The following C14orf39 variants were observed in gnomAD, a reference collection of about 807,000 sequenced individuals.
C14orf39 encodes chromosome 14 open reading frame 39.
A neutral mutation model predicts 85.6 loss-of-function variants in C14orf39; 66 were observed. The ratio of observed to expected loss-of-function variants is 0.77; its 90% CI spans 0.63 to 0.95. The LOEUF is 0.95. Ranked by LOEUF, C14orf39 falls within the 40% of genes least tolerant of loss-of-function variation. C14orf39 has a pLI of 0.00. For missense variants in C14orf39, 735 were observed against 663.9 expected (o/e 1.11, Z -1.18); for synonymous variants, 242 against 214.0 (o/e 1.13, Z -1.14).
chr14:60,511,890 T>C (rs2140190437), intron 1 of C14orf39: 1 of 157,954 alleles, frequency 6.3e-6, no homozygotes, highest in South Asian at 1.8e-4. Context: ...CTTGAGCAAA[T>C]GGTCTCCGGA....
At chr14:60,471,830 G>T in intron 5 of C14orf39, 91 bp from the exon 6 acceptor site, 1 of 722,084 alleles carries the variant, frequency 1.4e-6, no homozygotes, top group Non-Finnish European at 2.2e-6. Flanking sequence ...AACATAAAAG[G>T]CAAATCAAAT....
Position 60,484,810 on chromosome 14 carries a change from A to G in C14orf39, c.106+71T>C. ...ACGCCAACAATAAGTTGCCCTAAAC[A>G]GAGCAATTGTATGTTATATGCCATA... On this transcript the variant is annotated intron_variant, in intron 3 of 17. Coordinates refer to ENST00000321731, the MANE Select transcript of C14orf39 (RefSeq NM_174978.3). This position sits in a 1 kb window ranked among gnomAD's most constrained non-coding sequence, Gnocchi z 4.2. 2.7e-6 allele frequency: 3 copies of G among 1,118,302 alleles called. No homozygotes were observed. Among genetic ancestry groups the G allele is most frequent in the Non-Finnish European group, 3.9e-6 (3 of 762,228 alleles). The allele number at this position is 1,118,302 out of a possible 1,614,324, so 69.3% of individuals were successfully genotyped here.
At chr14:60,456,129 C>T (rs1424365491) in intron 15 of C14orf39, among the ~76,000 whole-genome samples, 2 of 151,976 alleles carry the variant, frequency 1.3e-5, no homozygotes, top group Non-Finnish European at 2.9e-5. Flanking sequence ...TGCAAAACAA[C>T]CCTGATGCAG....
In C14orf39 at chr14:60,511,125, T is replaced by G. The variant is rs45549246; in HGVS notation, c.-144+4270A>C. 2.9e-3 allele frequency: 4,697 copies of G among 1,612,752 alleles called. 21 individuals are homozygous for G. The highest frequency in any genetic ancestry group is 0.015 in the Middle Eastern group (93 of 6,060). On this transcript the variant is annotated intron_variant, in intron 1 of 5. Transcript: ENST00000556799. ...CTGTCACAGGGTTCCGGGCGGGCAC[T>G]ACGGGCGGAGGGCGACGGCACGCCA... is the stretch of plus-strand genomic sequence containing the variant.
At position 60,461,400 on chromosome 14, in the gene C14orf39, TG is replaced by T. The variant is rs1891522122; in HGVS notation, c.1070del (p.Pro357HisfsTer26). The T allele has an allele frequency of 2.5e-6, 4 of 1,609,548 alleles. No individual in the cohort carries two copies. Among genetic ancestry groups the T allele is most frequent in the Non-Finnish European group, 2.5e-6 (3 of 1,177,248 alleles). ...ACTGATTGGAATTTGATTGTTTCTG[TG>T]GGGTTAACAATCTAAAATGGAATAA... ...QKFMQVRLLT[P>X]QKQSNSNQWS... On this transcript the variant is annotated frameshift_variant, in exon 13 of 18. Transcript: ENST00000321731. LOFTEE classifies it high-confidence loss of function.
At chr14:60,513,860 A>G (rs547793812) in intron 1 of C14orf39, among the ~76,000 whole-genome samples, 2 of 152,372 alleles carry the variant, frequency 1.3e-5, no homozygotes, top group South Asian at 4.1e-4. Context: ...ACAGTGATGG[A>G]GCATTTTTAA....
chr14:60,482,067 T>C (rs548033658), intron 4 of C14orf39, among the ~76,000 whole-genome samples: 2 of 152,346 alleles, frequency 1.3e-5, no homozygotes, highest in African/African-American at 4.8e-5. Context: ...CACATTTAAA[T>C]CTCATAACCA....
chr14:60,458,854 A>G (rs572090974), intron 13 of C14orf39, 115 bp from the exon 14 acceptor site: 14 of 721,928 alleles, frequency 1.9e-5, no homozygotes, highest in African/African-American at 1.8e-4. Flanking sequence ...CAAAAATGGC[A>G]ACTTCATATG....
chr14:60,502,354 T>C (rs1893159417), intron 1 of C14orf39, among the ~76,000 whole-genome samples: 1 of 151,680 alleles, frequency 6.6e-6, no homozygotes, highest in South Asian at 2.1e-4. Flanking sequence ...AATACAATCA[T>C]TGGGAAATAA....
intron 5 of C14orf39, among the ~76,000 whole-genome samples, chr14:60,474,643 C>T (rs1323633080): frequency 6.6e-6 from 1 of 152,058 alleles, no homozygotes; most frequent in Non-Finnish European, 1.5e-5. Context: ...GCCTTTTCTG[C>T]ACCTATTGAG....
intron 13 of C14orf39, among the ~76,000 whole-genome samples, chr14:60,459,906 G>A (rs867801398): frequency 1.2e-4 from 18 of 151,542 alleles, no homozygotes; most frequent in African/African-American, 4.1e-4. Flanking sequence ...ATTTGCCCTT[G>A]TACTCTTTTT....
intron 11 of C14orf39, among the ~76,000 whole-genome samples, chr14:60,463,912 C>T (rs1401591434): frequency 6.6e-6 from 1 of 152,052 alleles, no homozygotes; most frequent in Non-Finnish European, 1.5e-5. Context: ...ATTTGATTTA[C>T]CTCTGTGGCA....
chr14:60,489,035 G>A (rs1486813417), upstream of C14orf39, among the ~76,000 whole-genome samples: 3 of 151,896 alleles, frequency 2.0e-5, no homozygotes, highest in African/African-American at 7.3e-5. Flanking sequence ...TTTTTTGGGG[G>A]TCATGCATCC....
At chr14:60,457,121 TATAAAACAA>T in intron 14 of C14orf39, 26 bp from the exon 15 acceptor site, 5 of 1,453,120 alleles carry the variant, frequency 3.4e-6, no homozygotes, top group Non-Finnish European at 4.6e-6. Flanking sequence ...AACAGAAAAC[TATAAAACAA>T]ATGCTGCTGC....
At chr14:60,441,017 A>G (rs747334864) in intron 17 of C14orf39, among the ~76,000 whole-genome samples, 2 of 152,144 alleles carry the variant, frequency 1.3e-5, no homozygotes, top group Non-Finnish European at 2.9e-5. Flanking sequence ...ACTTTGCTGC[A>G]TAGTATTTAT....
chr14:60,477,913 G>A (rs956487230), intron 5 of C14orf39, among the ~76,000 whole-genome samples: 1 of 151,986 alleles, frequency 6.6e-6, no homozygotes, highest in African/African-American at 2.4e-5. Flanking sequence ...GGCATGGTGG[G>A]TCATGCCTGT....
chr14:60,510,307 C>T (rs768930240), intron 1 of C14orf39, among the ~76,000 whole-genome samples: 105 of 152,356 alleles, frequency 6.9e-4, no homozygotes, highest in Non-Finnish European at 1.3e-3. Flanking sequence ...TAATTCTTGT[C>T]AGCCTGGGCA....
At chr14:60,503,101 C>T (rs1893165973) in intron 1 of C14orf39, among the ~76,000 whole-genome samples, 1 of 152,200 alleles carries the variant, frequency 6.6e-6, no homozygotes, top group Non-Finnish European at 1.5e-5. Flanking sequence ...CTTTACGACA[C>T]CTCAAGTCCA....
intron 5 of C14orf39, 118 bp downstream of exon 5, chr14:60,478,182 A>AAAAAAAAAAAAAG (rs1412529676): frequency 4.9e-6 from 1 of 204,632 alleles, no homozygotes; most frequent in African/African-American, 2.3e-5. Context: ...CCATCTCAAA[A>AAAAAAAAAAAAAG]AAAAAAAAAG....
Sources: allele counts gnomAD v4.1 joint callset (sites outside exome capture counted in the v4.1 genomes callset), GRCh38; gene constraint gnomAD v4.1.1; non-coding constraint Gnocchi (gnomAD v3.1); transcripts MANE v1.5; gene names NCBI Gene and HGNC (gene_info 2026-07-23, HGNC 2026-07-21).